Variants in CSMD2 observed in about 807,000 individuals in gnomAD.
The protein encoded by CSMD2 is CUB and Sushi multiple domains 2, also known as CUB and sushi domain-containing protein 2.
Under a neutral mutation model 398.5 loss-of-function variants are expected in CSMD2, and 130 were observed. The observed-to-expected ratio is 0.33, with a 90% CI of 0.28 to 0.38. The LOEUF (loss-of-function observed/expected upper bound fraction) is 0.38. CSMD2 is among the 10% of genes least tolerant of loss of function. The pLI, the probability that CSMD2 is intolerant of heterozygous loss-of-function variation, is 1.00. For synonymous variants in CSMD2, 1,828 were observed against 1,908.5 expected (o/e 0.96, Z 1.10); for missense variants, 3,829 against 4,764.9 (o/e 0.80, Z 5.78).
chr1:33,919,116 G>A (rs545955896), intron 4 of CSMD2, among the ~76,000 whole-genome samples: 8 of 152,334 alleles, frequency 5.3e-5, no homozygotes, highest in African/African-American at 1.2e-4. Context: ...AGGTGAGGCT[G>A]GATGAGATCG....
intron 64 of CSMD2, 69 bp from the exon 65 acceptor site, chr1:33,527,327 AC>A: frequency 7.6e-7 from 1 of 1,321,056 alleles, no homozygotes; most frequent in Non-Finnish European, 1.1e-6. Context: ...AAAAATAATG[AC>A]CACCTGTCTG....
At chr1:33,737,576 C>T (rs1417561688) in intron 15 of CSMD2, among the ~76,000 whole-genome samples, 1 of 152,174 alleles carries the variant, frequency 6.6e-6, no homozygotes, top group Admixed American at 6.5e-5. Flanking sequence ...ACAGAGAGGT[C>T]AAGTTACTTC....
chr1:33,899,505 G>A (rs1642611714), intron 5 of CSMD2, among the ~76,000 whole-genome samples: 1 of 152,170 alleles, frequency 6.6e-6, no homozygotes, highest in African/African-American at 2.4e-5. Context: ...TTGCTTAAAG[G>A]CACAAAGGAA....
chr1:33,908,563 G>C (rs926195022), intron 5 of CSMD2, among the ~76,000 whole-genome samples: 2 of 152,272 alleles, frequency 1.3e-5, no homozygotes, highest in Admixed American at 6.5e-5. Context: ...CCCGACCTCA[G>C]CTTCCCATGC....
At chr1:33,810,698 C>A in intron 10 of CSMD2, 45 bp downstream of exon 10, 1 of 1,602,388 alleles carries the variant, frequency 6.2e-7, no homozygotes, top group Non-Finnish European at 8.5e-7. Context: ...TGTCCCCAAC[C>A]TAGCCCTGCC....
At chr1:33,562,807 A>G (rs1194584169) in intron 53 of CSMD2, among the ~76,000 whole-genome samples, 1 of 152,186 alleles carries the variant, frequency 6.6e-6, no homozygotes, top group Non-Finnish European at 1.5e-5. Context: ...GCAGCCTGCT[A>G]TCCCTGGAAG....
At chr1:34,091,285 A>G (rs1369037073) in intron 1 of CSMD2, among the ~76,000 whole-genome samples, 1 of 152,144 alleles carries the variant, frequency 6.6e-6, no homozygotes, top group East Asian at 1.9e-4. Flanking sequence ...CAATAATTTA[A>G]TATTTTGTTT....
chr1:33,762,160 G>C (rs1649897320), intron 13 of CSMD2, among the ~76,000 whole-genome samples: 1 of 152,324 alleles, frequency 6.6e-6, no homozygotes, highest in East Asian at 1.9e-4. Context: ...ATATGTTCAA[G>C]TAAGATGACA....
At chr1:33,776,394 G>A (rs1270424197) in intron 12 of CSMD2, among the ~76,000 whole-genome samples, 1 of 152,170 alleles carries the variant, frequency 6.6e-6, no homozygotes, top group Non-Finnish European at 1.5e-5. Flanking sequence ...GAGACCGAGG[G>A]AGATCCTGTG....
At chr1:33,527,669 A>G (rs573355292) in intron 64 of CSMD2, among the ~76,000 whole-genome samples, 6 of 152,342 alleles carry the variant, frequency 3.9e-5, no homozygotes, top group African/African-American at 1.4e-4. Flanking sequence ...AGTCTTTTCA[A>G]TTTCTACTGG....
chr1:33,864,485 A>T (rs770906886), intron 5 of CSMD2: 3 of 1,614,114 alleles, frequency 1.9e-6, no homozygotes, highest in Non-Finnish European at 2.5e-6. Flanking sequence ...GGCCTCCATC[A>T]TCCTTCCTAC....
chr1:33,523,520 G>C (rs1654495174), intron 66 of CSMD2, 101 bp from the exon 67 acceptor site: 9 of 646,500 alleles, frequency 1.4e-5, no homozygotes, highest in Non-Finnish European at 2.8e-6. Context: ...GGAATTTCAT[G>C]TGTAGATGTT....
At chr1:33,896,493 C>A (rs536649508) in intron 5 of CSMD2, among the ~76,000 whole-genome samples, 1 of 152,160 alleles carries the variant, frequency 6.6e-6, no homozygotes, top group Non-Finnish European at 1.5e-5. Context: ...TTTAAGATTA[C>A]CCCAGCAGTC....
At chr1:33,561,527 T>C (rs1428815566) in intron 53 of CSMD2, among the ~76,000 whole-genome samples, 1 of 152,252 alleles carries the variant, frequency 6.6e-6, no homozygotes, top group Non-Finnish European at 1.5e-5. Flanking sequence ...AGCTAGGTAC[T>C]CTGCTATGGA....
At chr1:34,031,289 C>A (rs191306521) in intron 3 of CSMD2, among the ~76,000 whole-genome samples, 46 of 152,172 alleles carry the variant, frequency 3.0e-4, no homozygotes, top group African/African-American at 1.1e-3. Context: ...TCTCAAACTC[C>A]TGGCCTCAAG....
At chr1:33,742,200 G>A (rs1647091005) in intron 14 of CSMD2, among the ~76,000 whole-genome samples, 1 of 152,232 alleles carries the variant, frequency 6.6e-6, no homozygotes, top group Non-Finnish European at 1.5e-5. Context: ...AGAGTGGTGA[G>A]GGGAATGGAA....
At chr1:33,675,289 C>A (rs1250167600) in intron 25 of CSMD2, among the ~76,000 whole-genome samples, 2 of 152,100 alleles carry the variant, frequency 1.3e-5, no homozygotes, top group Non-Finnish European at 2.9e-5. Flanking sequence ...CACCACCGAT[C>A]CCACAGAAAT....
chr1:33,923,080 C>T (rs750833435), intron 4 of CSMD2, among the ~76,000 whole-genome samples: 1 of 152,076 alleles, frequency 6.6e-6, no homozygotes, highest in Non-Finnish European at 1.5e-5. Flanking sequence ...TTGGAGCACT[C>T]CCTTAAAAAA....
chr1:33,540,750 C>T (rs375531889), intron 59 of CSMD2, 52 bp from the exon 60 acceptor site: 1 of 1,596,024 alleles, frequency 6.3e-7, no homozygotes, highest in East Asian at 2.2e-5. Context: ...GGGAAACCAG[C>T]CCCCGTCACC....
Sources: gnomAD v4.1 joint callset for allele counts (sites outside exome capture counted in the v4.1 genomes callset) on GRCh38, gnomAD v4.1.1 for gene constraint, MANE v1.5 for transcripts, NCBI Gene and HGNC (gene_info 2026-07-23, HGNC 2026-07-21) for gene names.